The following PRRC2C variants were observed in gnomAD, a reference collection of about 807,000 sequenced individuals.
PRRC2C encodes proline rich coiled-coil 2C.
In PRRC2C, 72 loss-of-function variants were observed where a neutral mutation model predicts 317.2. The ratio of observed to expected loss-of-function variants is 0.23; its 90% CI spans 0.19 to 0.28. The LOEUF (loss-of-function observed/expected upper bound fraction) is 0.28, where lower values mean the gene tolerates loss of function less well. Among genes scored for constraint, PRRC2C ranks in the 10% least tolerant of loss-of-function variants. The pLI, the probability that PRRC2C is intolerant of heterozygous loss-of-function variation, is 1.00. For synonymous variants in PRRC2C, 1,296 were observed against 1,205.9 expected (o/e 1.07, Z -1.55); for missense variants, 3,074 against 3,459.7 (o/e 0.89, Z 2.80).
rs1354556976 is a variant in PRRC2C, at chr1:171,557,391, C to T, written c.5279C>T (p.Thr1760Ile). The change falls in exon 19 of 35, where the codon ACC (threonine) becomes ATC (isoleucine). Residue 1760 changes from threonine to isoleucine, a missense_variant. This residue lies in a region of PRRC2C where 640 missense variants were observed against 676.1 expected (regional missense o/e 0.95). Coordinates refer to ENST00000647382, the MANE Select transcript of PRRC2C (RefSeq NM_001387844.1). ...GCTTCGGCTCCACTTCCACCTTCAA[C>T]CTCAGCTTCAGTTCCAGCCTCAACC... ...PLASAPLPPSTSASVPASTSA... is the reference protein window; with the variant it reads ...PLASAPLPPSISASVPASTSA... 2.6e-6 allele frequency: 4 copies of T among 1,551,618 alleles called. No homozygotes were observed. The African/African-American group carries it at 5.5e-5, about 21-fold the overall frequency.
intron 1 of PRRC2C, among the ~76,000 whole-genome samples, chr1:171,504,191 G>T (rs1669737627): frequency 6.6e-6 from 1 of 152,148 alleles, no homozygotes; most frequent in African/African-American, 2.4e-5. Flanking sequence ...ATGTATTCTT[G>T]ATAAAAGTTC....
intron 31 of PRRC2C, 147 bp downstream of exon 31, chr1:171,587,368 T>C: frequency 1.2e-6 from 1 of 802,532 alleles, no homozygotes; most frequent in Non-Finnish European, 1.9e-6. Context: ...ACATTTTATC[T>C]ATTTACTTTT....
chr1:171,502,927 T>C (rs2102154561), intron 1 of PRRC2C, among the ~76,000 whole-genome samples: 1 of 152,260 alleles, frequency 6.6e-6, no homozygotes, highest in Admixed American at 6.5e-5. Flanking sequence ...TTCACCATGT[T>C]GGCAGAACTG....
At chr1:171,564,475 A>T (rs4916397) in intron 20 of PRRC2C, among the ~76,000 whole-genome samples, 96,619 of 152,064 alleles carry the variant, frequency 0.64, 30,800 homozygotes, top group East Asian at 0.82. Context: ...ATACTACTGT[A>T]CACTTACATT....
chr1:171,536,145 T>C lies in PRRC2C; in HGVS notation c.2160T>C (p.Tyr720=), dbSNP rs537388197. ...CTCCTCCACCACACAGACCTCTTTA[T>C]CAGCCTATGCAGCCTCATCCTCAGC... The part of the protein sequence containing the change: ...TVPPPPHRPL[Y]QPMQPHPQHL... The change falls in exon 14 of 35, where the codon TAT becomes TAC. Residue 720 remains tyrosine, a synonymous_variant. Coordinates refer to ENST00000647382, the MANE Select transcript of PRRC2C (RefSeq NM_001387844.1). 6.3e-7 allele frequency: 1 copy of C among 1,599,886 alleles called. No homozygotes were observed. The highest frequency in any genetic ancestry group is 2.2e-5 in the East Asian group (1 of 44,618).
intron 1 of PRRC2C, among the ~76,000 whole-genome samples, chr1:171,502,761 G>A (rs1425587770): frequency 1.4e-4 from 22 of 152,098 alleles, no homozygotes; most frequent in Admixed American, 7.9e-4. Context: ...GTTTTGCTCC[G>A]TACACAGGCT....
chr1:171,585,131 C>T (rs116312006), intron 30 of PRRC2C, among the ~76,000 whole-genome samples: 20 of 152,052 alleles, frequency 1.3e-4, no homozygotes, highest in African/African-American at 4.3e-4. Flanking sequence ...CTTAGGTTTC[C>T]GTGTAATTAT....
intron 11 of PRRC2C, among the ~76,000 whole-genome samples, chr1:171,531,237 C>T (rs546037674): frequency 6.6e-5 from 10 of 152,262 alleles, no homozygotes; most frequent in South Asian, 4.1e-4. Context: ...GTTGTGTCTG[C>T]GTTGGAGCAG....
At chr1:171,528,403 C>T (rs1422990463) in intron 11 of PRRC2C, among the ~76,000 whole-genome samples, 1 of 151,856 alleles carries the variant, frequency 6.6e-6, no homozygotes, top group Non-Finnish European at 1.5e-5. Flanking sequence ...ATTCTCCTGC[C>T]TCAGCCTCCT....
intron 10 of PRRC2C, among the ~76,000 whole-genome samples, chr1:171,526,803 A>ATTTTTTTTTTTTTT (rs1557918055): frequency 5.4e-4 from 46 of 85,758 alleles, no homozygotes; most frequent in South Asian, 2.5e-3. Context: ...TCAGAAATAT[A>ATTTTTTTTTTTTTT]TCTTTTTTTT....
intron 6 of PRRC2C, among the ~76,000 whole-genome samples, 199 bp from the exon 7 acceptor site, chr1:171,521,978 A>T (rs1377743438): frequency 6.6e-6 from 1 of 152,194 alleles, no homozygotes; most frequent in East Asian, 1.9e-4. Flanking sequence ...CTATTTATAA[A>T]GAGTTGCTAG....
chr1:171,589,684 G>A, intron 34 of PRRC2C, 79 bp downstream of exon 34: 2 of 963,640 alleles, frequency 2.1e-6, no homozygotes, highest in Admixed American at 2.5e-5. Context: ...ACCCATAACT[G>A]TATATCCAGG....
chr1:171,556,188 G>A (rs369479469), intron 18 of PRRC2C, among the ~76,000 whole-genome samples: 3 of 152,214 alleles, frequency 2.0e-5, no homozygotes, highest in East Asian at 1.9e-4. Context: ...GGACTGCTGC[G>A]CTAGCAGTGA....
chr1:171,539,220 C>T (rs12145085), intron 15 of PRRC2C, among the ~76,000 whole-genome samples: 23,480 of 151,822 alleles, frequency 0.15, 1,883 homozygotes, highest in Middle Eastern at 0.29. Context: ...AGGCTGGTCT[C>T]GAACTCCCGA....
chr1:171,524,722 C>G (rs778022206), intron 9 of PRRC2C, 99 bp from the exon 10 acceptor site: 4 of 1,253,034 alleles, frequency 3.2e-6, no homozygotes, highest in Middle Eastern at 2.7e-4. Context: ...TTTCCCCCCC[C>G]AGAAACCATA....
At chr1:171,517,477 T>C (rs768321403) in intron 5 of PRRC2C, 114 bp from the exon 6 acceptor site, 61 of 964,020 alleles carry the variant, frequency 6.3e-5, no homozygotes, top group Non-Finnish European at 9.0e-5. Flanking sequence ...ATTAGACTTT[T>C]CCTGCTCTTT....
chr1:171,510,277 T>A (rs1431824471), intron 1 of PRRC2C: 4 of 152,238 alleles, frequency 2.6e-5, no homozygotes, highest in Non-Finnish European at 5.9e-5. Flanking sequence ...GATGTTGCTT[T>A]CTCTCTAATA....
chr1:171,575,234 A>G (rs1438089849), intron 25 of PRRC2C, 106 bp downstream of exon 25: 7 of 1,127,794 alleles, frequency 6.2e-6, no homozygotes, highest in Non-Finnish European at 8.8e-6. Context: ...GTAATATTCA[A>G]TCTTCCCACC....
At position 171,541,838 on chromosome 1, in the gene PRRC2C, C is replaced by G. The variant is rs753465895; in HGVS notation, c.4372C>G (p.Pro1458Ala). The stretch of plus-strand genomic sequence containing the variant: ...AAAATCAAATGAGGTGGTAGCAGTG[C>G]CCACAAATGGCACAGTTAATAATGT... ...ASKSNEVVAVPTNGTVNNVAQ... is the reference protein window; with the variant it reads ...ASKSNEVVAVATNGTVNNVAQ... The change falls in exon 16 of 35, where the codon CCC (proline) becomes GCC (alanine). Residue 1458 changes from proline (P) to alanine (A), a missense_variant. Coordinates refer to ENST00000647382, the MANE Select transcript of PRRC2C (RefSeq NM_001387844.1). The surrounding 1 kb of genome is among the most constrained non-coding windows in gnomAD (Gnocchi z 4.1). 3 of 1,613,786 alleles carry G rather than the reference C, an allele frequency of 1.9e-6. No individual in the cohort carries two copies. The highest frequency in any genetic ancestry group is 2.2e-5 in the South Asian group (2 of 91,070).
Sources: allele counts gnomAD v4.1 joint callset (sites outside exome capture counted in the v4.1 genomes callset), GRCh38; gene constraint gnomAD v4.1.1; regional missense constraint gnomAD v4.1.1; non-coding constraint Gnocchi (gnomAD v3.1); transcripts MANE v1.5; gene names NCBI Gene and HGNC (gene_info 2026-07-23, HGNC 2026-07-21).